CTNNA2: variants seen among roughly 807,000 people sequenced by gnomAD.
CTNNA2 encodes catenin alpha 2, also known as catenin alpha-2.
A neutral mutation model predicts 101.0 loss-of-function variants in CTNNA2; 42 were observed. That is an observed-to-expected ratio of 0.42 (90% CI 0.32 to 0.54). The LOEUF is 0.54. Among genes scored for constraint, CTNNA2 ranks in the 20% least tolerant of loss-of-function variants. CTNNA2 has a pLI of 0.14. For synonymous variants in CTNNA2, 450 were observed against 456.4 expected, an observed-to-expected ratio of 0.99 and a Z score of 0.18; for missense variants, 871 against 1,223.1, an observed-to-expected ratio of 0.71 and a Z score of 4.29.
At chr2:79,914,818 T>C (rs1039163851) in intron 7 of CTNNA2, among the ~76,000 whole-genome samples, 17 of 152,028 alleles carry the variant, frequency 1.1e-4, no homozygotes, top group African/African-American at 4.1e-4. Context: ...AGTGGATCCC[T>C]GGGGTTAACA....
At chr2:80,577,869 T>A in intron 13 of CTNNA2, among the ~76,000 whole-genome samples, 1 of 152,162 alleles carries the variant, frequency 6.6e-6, no homozygotes, top group East Asian at 1.9e-4. Context: ...TTGGGCCGTT[T>A]CTTTCAATGG....
intron 14 of CTNNA2, among the ~76,000 whole-genome samples, chr2:80,583,502 A>G (rs1435106390): frequency 6.6e-6 from 1 of 152,232 alleles, no homozygotes; most frequent in Non-Finnish European, 1.5e-5. Context: ...CAGCATTGTT[A>G]TGTCACTGAC....
chr2:79,558,536 T>A (rs1674581671), intron 1 of CTNNA2, among the ~76,000 whole-genome samples: 1 of 151,826 alleles, frequency 6.6e-6, no homozygotes, highest in Non-Finnish European at 1.5e-5. Context: ...AGATAACAAA[T>A]GTAAAATATT....
rs1670905640 is a variant in CTNNA2, at chr2:79,463,982, AAAGTT to A, written c.-134-41071_-134-41067del. 3.8e-5 allele frequency among the ~76,000 whole-genome samples: 4 copies of A among 106,588 alleles called. No homozygotes were observed. In the South Asian group the frequency reaches 1.0e-3, roughly 27 times the overall value. The allele number at this position is 106,588 out of a possible 152,430, so 69.9% of individuals were successfully genotyped here. On this transcript the variant is annotated intron_variant, in intron 4 of 21. Transcript: ENST00000466387. ...TAAGACAGCATGGCCGGGCTTAAAG[AAAGTT>A]TTTTTTTTTTTAATACTCTAAGTTC... is the stretch of plus-strand genomic sequence containing the variant.
intron 7 of CTNNA2, among the ~76,000 whole-genome samples, chr2:80,059,635 C>T (rs530651413): frequency 2.0e-4 from 30 of 152,186 alleles, no homozygotes; most frequent in Admixed American, 4.6e-4. Flanking sequence ...TCCCCATCAG[C>T]GTGTGAGCCT....
chr2:79,765,122 C>A (rs1673052303), intron 3 of CTNNA2, among the ~76,000 whole-genome samples: 1 of 151,854 alleles, frequency 6.6e-6, no homozygotes, highest in South Asian at 2.1e-4. Flanking sequence ...GTTTTCAAAA[C>A]AATGTGCACA....
intron 2 of CTNNA2, among the ~76,000 whole-genome samples, chr2:79,668,262 A>AAC (rs1439743273): frequency 2.6e-5 from 4 of 151,172 alleles, no homozygotes; most frequent in Admixed American, 6.6e-5. Flanking sequence ...AAAAAAAAAA[A>AAC]AAAAAAAAAA....
intron 7 of CTNNA2, among the ~76,000 whole-genome samples, chr2:80,073,771 C>CACACACACTT (rs1553443664): frequency 0.033 from 4,844 of 146,290 alleles, 111 homozygotes; most frequent in East Asian, 0.053. Flanking sequence ...CACACACACA[C>CACACACACTT]TTATAGGATT....
chr2:79,814,918 C>T (rs1263289917), intron 3 of CTNNA2, among the ~76,000 whole-genome samples: 1 of 152,030 alleles, frequency 6.6e-6, no homozygotes. Context: ...CCCTGATGAC[C>T]GCATCCATGC....
chr2:80,301,643 T>G (rs1255936476), intron 7 of CTNNA2, among the ~76,000 whole-genome samples: 1 of 152,128 alleles, frequency 6.6e-6, no homozygotes, highest in Admixed American at 6.5e-5. Context: ...ATATAAAGGG[T>G]CTTGCAGTTT....
At chr2:80,018,003 A>G (rs957997578) in intron 7 of CTNNA2, among the ~76,000 whole-genome samples, 3 of 152,222 alleles carry the variant, frequency 2.0e-5, no homozygotes, top group African/African-American at 7.2e-5. Flanking sequence ...ACATTATAAA[A>G]TGTAATATTA....
intron 18 of CTNNA2, among the ~76,000 whole-genome samples, chr2:80,641,007 A>G (rs1031971435): frequency 3.9e-5 from 6 of 152,186 alleles, no homozygotes; most frequent in African/African-American, 1.2e-4. Flanking sequence ...TGCTATTCCC[A>G]TTTTAAAATA....
At chr2:80,372,689 T>C (rs1675558561) in intron 7 of CTNNA2, among the ~76,000 whole-genome samples, 2 of 152,072 alleles carry the variant, frequency 1.3e-5, no homozygotes, top group South Asian at 4.1e-4. Flanking sequence ...CAGCTTTTTT[T>C]TTTTTTTTAT....
intron 7 of CTNNA2, among the ~76,000 whole-genome samples, chr2:80,251,036 C>T (rs1460652952): frequency 6.6e-6 from 1 of 152,110 alleles, no homozygotes; most frequent in Non-Finnish European, 1.5e-5. Context: ...CTGAATATTG[C>T]TGTTGTTATC....
At chr2:80,613,969 C>A (rs181991615) in intron 17 of CTNNA2, among the ~76,000 whole-genome samples, 1 of 151,418 alleles carries the variant, frequency 6.6e-6, no homozygotes, top group African/African-American at 2.4e-5. Flanking sequence ...GATATCAGTG[C>A]CATTACTTGT....
chr2:79,208,306 A>G (rs976486556), intron 2 of CTNNA2, among the ~76,000 whole-genome samples: 2 of 152,156 alleles, frequency 1.3e-5, no homozygotes, highest in African/African-American at 4.8e-5. Flanking sequence ...GATTTTTGAA[A>G]CATATGTCAA....
At chr2:79,820,018 T>C (rs182338082) in intron 3 of CTNNA2, among the ~76,000 whole-genome samples, 2 of 152,150 alleles carry the variant, frequency 1.3e-5, no homozygotes, top group African/African-American at 4.8e-5. Flanking sequence ...GTTCATCGTC[T>C]AGTTGGTTTA....
intron 2 of CTNNA2, among the ~76,000 whole-genome samples, chr2:79,276,196 G>T (rs940950056): frequency 7.9e-5 from 12 of 152,082 alleles, no homozygotes; most frequent in Admixed American, 3.9e-4. Flanking sequence ...GTTATTGTAA[G>T]AACTTGGTTT....
At chr2:79,973,379 G>GGCC (rs1246152464) in intron 7 of CTNNA2, among the ~76,000 whole-genome samples, 1 of 152,162 alleles carries the variant, frequency 6.6e-6, no homozygotes, top group African/African-American at 2.4e-5. Context: ...TTGGCAGAGA[G>GGCC]GCCGGTACTA....
Sources: allele counts gnomAD v4.1 joint callset (sites outside exome capture counted in the v4.1 genomes callset), GRCh38; gene constraint gnomAD v4.1.1; transcripts MANE v1.5; gene names NCBI Gene and HGNC (gene_info 2026-07-23, HGNC 2026-07-21).